Variants in ESR1 observed in about 807,000 individuals in gnomAD.
ESR1 encodes the protein estrogen receptor.
In ESR1, 12 loss-of-function variants were observed where a neutral mutation model predicts 52.7. That is an observed-to-expected ratio of 0.23 (90% CI 0.15 to 0.37). The LOEUF (loss-of-function observed/expected upper bound fraction) is 0.37, where lower values mean the gene tolerates loss of function less well. ESR1 is among the 10% of genes least tolerant of loss of function. The pLI is 1.00. For missense variants in ESR1, 584 were observed against 779.7 expected, an observed-to-expected ratio of 0.75 and a Z score of 2.99; for synonymous variants, 305 against 316.8, an observed-to-expected ratio of 0.96 and a Z score of 0.39.
chr6:151,716,700 C>G (rs986910275), intron 2 of ESR1, among the ~76,000 whole-genome samples: 29 of 152,272 alleles, frequency 1.9e-4, no homozygotes, highest in Non-Finnish European at 3.2e-4. Flanking sequence ...CTTGAGCATC[C>G]CAGGTCAAGT....
At chr6:151,915,022 T>A (rs1452942527) in intron 3 of ESR1, among the ~76,000 whole-genome samples, 1 of 152,172 alleles carries the variant, frequency 6.6e-6, no homozygotes, top group East Asian at 1.9e-4. Flanking sequence ...TGATTAAATG[T>A]CAACTAAATA....
intron 3 of ESR1, among the ~76,000 whole-genome samples, chr6:151,909,275 C>T (rs563156839): frequency 4.6e-5 from 7 of 152,256 alleles, no homozygotes; most frequent in East Asian, 3.9e-4. Flanking sequence ...CCGTTTACAG[C>T]GAGGCAAAAG....
chr6:152,012,270 CA>C (rs2042842735), intron 5 of ESR1, among the ~76,000 whole-genome samples: 1 of 151,726 alleles, frequency 6.6e-6, no homozygotes, highest in Non-Finnish European at 1.5e-5. Context: ...TTCAGGTCGA[CA>C]AATTCATTTT....
rs116691112 is a variant in ESR1, at chr6:151,991,206, A to G, written c.1097-20450A>G. ...GATTTTCTGTGATGACAGAGAAAAT[A>G]CTGACCTGATTTGGGTAACTCTGAG... On this transcript the variant is annotated intron_variant, in intron 4 of 7. Transcript: ENST00000206249. Among the ~76,000 whole-genome samples the G allele has an allele frequency of 9.7e-3, 1,477 of 152,320 alleles. 28 individuals are homozygous for G. The highest frequency in any genetic ancestry group is 0.034 in the African/African-American group (1,421 of 41,584).
intron 4 of ESR1, among the ~76,000 whole-genome samples, chr6:151,992,621 A>G (rs1208688304): frequency 6.6e-6 from 1 of 152,160 alleles, no homozygotes; most frequent in East Asian, 1.9e-4. Context: ...GAGGCACTGT[A>G]GCTTGGAATT....
chr6:151,953,230 C>A (rs2036516228), intron 4 of ESR1, among the ~76,000 whole-genome samples: 1 of 152,080 alleles, frequency 6.6e-6, no homozygotes, highest in South Asian at 2.1e-4. Context: ...ATATTTAGAC[C>A]CATTGTGTGC....
At chr6:151,720,024 C>T (rs1187359841) in intron 2 of ESR1, among the ~76,000 whole-genome samples, 1 of 152,112 alleles carries the variant, frequency 6.6e-6, no homozygotes, top group Non-Finnish European at 1.5e-5. Flanking sequence ...AAGGTCAAAA[C>T]TTAGTAGTTG....
At chr6:152,044,120 CAT>C (rs985300823) in intron 5 of ESR1, among the ~76,000 whole-genome samples, 1 of 152,150 alleles carries the variant, frequency 6.6e-6, no homozygotes, top group African/African-American at 2.4e-5. Flanking sequence ...TGGTTCTCCA[CAT>C]ATGGTTAAAG....
intron 2 of ESR1, among the ~76,000 whole-genome samples, chr6:151,793,217 C>T (rs6913019): frequency 0.059 from 8,956 of 151,170 alleles, 419 homozygotes; most frequent in South Asian, 0.16. Flanking sequence ...ATCAAAGTCA[C>T]AGACACATGC....
chr6:152,096,274 T>C (rs1446186861), intron 7 of ESR1, among the ~76,000 whole-genome samples: 1 of 152,192 alleles, frequency 6.6e-6, no homozygotes, highest in African/African-American at 2.4e-5. Flanking sequence ...AAGAGATTCC[T>C]TCTCTTAGTG....
At chr6:152,014,135 C>T (rs982665639) in intron 5 of ESR1, among the ~76,000 whole-genome samples, 2 of 152,130 alleles carry the variant, frequency 1.3e-5, no homozygotes, top group African/African-American at 4.8e-5. Flanking sequence ...CTCCTTCTTC[C>T]CCATGATTGT....
chr6:151,779,829 G>A (rs982943854), intron 2 of ESR1, among the ~76,000 whole-genome samples: 4 of 131,274 alleles, frequency 3.0e-5, no homozygotes, highest in South Asian at 2.2e-4. Flanking sequence ...GAACCCGGGA[G>A]GCGGAGCTTG....
intron 2 of ESR1, among the ~76,000 whole-genome samples, chr6:151,709,751 T>G (rs182891509): frequency 5.3e-5 from 8 of 151,892 alleles, no homozygotes; most frequent in Admixed American, 4.6e-4. Context: ...TTTTTTTTTT[T>G]GGTCAGTGGA....
At chr6:151,717,208 TGA>T (rs1781116753) in intron 2 of ESR1, among the ~76,000 whole-genome samples, 1 of 152,136 alleles carries the variant, frequency 6.6e-6, no homozygotes, top group Non-Finnish European at 1.5e-5. Flanking sequence ...CCAGTCCCAA[TGA>T]GATGAGCTGG....
At chr6:152,078,791 G>A (rs556528766) in intron 6 of ESR1, among the ~76,000 whole-genome samples, 1 of 152,376 alleles carries the variant, frequency 6.6e-6, no homozygotes, top group African/African-American at 2.4e-5. Flanking sequence ...TTTCCCCACA[G>A]TCTTGACAAC....
Position 151,929,577 on chromosome 6 carries a change from A to C in ESR1, c.761-14596A>C, listed in dbSNP as rs199817951. Among the ~76,000 whole-genome samples, 94 of 152,328 alleles carry C rather than the reference A, an allele frequency of 6.2e-4. 1 individual carries two copies. In the East Asian group the frequency reaches 0.013, roughly 21 times the overall value. On this transcript the variant is annotated intron_variant, in intron 3 of 7. Coordinates refer to ENST00000206249, the MANE Select transcript of ESR1 (RefSeq NM_000125.4). ...CACCATGGCACATGTATACTTATGGAACAAAACTGCACATTCTGCACATGT... is the reference window on the plus strand; with the variant it reads ...CACCATGGCACATGTATACTTATGGCACAAAACTGCACATTCTGCACATGT...
intron 1 of ESR1, among the ~76,000 whole-genome samples, chr6:151,825,910 CAAAAAAAAAA>C (rs3996305): frequency 0.024 from 1,914 of 78,130 alleles, 148 homozygotes; most frequent in Admixed American, 0.22. Flanking sequence ...GACTCCATCT[CAAAAAAAAAA>C]AAAAAAAAAA....
At chr6:151,696,748 A>C (rs1039803411) in intron 1 of ESR1, among the ~76,000 whole-genome samples, 3 of 152,182 alleles carry the variant, frequency 2.0e-5, no homozygotes, top group African/African-American at 7.2e-5. Flanking sequence ...CCATAACATC[A>C]ACTAATACAA....
intron 2 of ESR1, among the ~76,000 whole-genome samples, chr6:151,773,789 A>C (rs907480176): frequency 2.6e-5 from 4 of 152,214 alleles, no homozygotes; most frequent in Non-Finnish European, 5.9e-5. Context: ...ATCACCTTGA[A>C]AGAATAATCT....
Sources: gnomAD v4.1 joint callset for allele counts (sites outside exome capture counted in the v4.1 genomes callset) on GRCh38, gnomAD v4.1.1 for gene constraint, MANE v1.5 for transcripts, NCBI Gene and HGNC (gene_info 2026-07-23, HGNC 2026-07-21) for gene names.